CSMD2: variants seen among roughly 807,000 people sequenced by gnomAD.
The protein encoded by CSMD2 is CUB and sushi domain-containing protein 2.
Under a neutral mutation model 398.5 loss-of-function variants are expected in CSMD2, and 130 were observed. The observed-to-expected ratio is 0.33, with a 90% CI of 0.28 to 0.38. The LOEUF (loss-of-function observed/expected upper bound fraction) is 0.38, where lower values mean the gene tolerates loss of function less well. Ranked by LOEUF, CSMD2 falls within the 10% of genes least tolerant of loss-of-function variation. The pLI, the probability that CSMD2 is intolerant of heterozygous loss-of-function variation, is 1.00. For missense variants in CSMD2, 3,829 were observed against 4,764.9 expected, an observed-to-expected ratio of 0.80 and a Z score of 5.78; for synonymous variants, 1,828 against 1,908.5, an observed-to-expected ratio of 0.96 and a Z score of 1.10.
chr1:33,720,951 T>C (rs1646340183), intron 19 of CSMD2, among the ~76,000 whole-genome samples: 1 of 152,168 alleles, frequency 6.6e-6, no homozygotes, highest in Non-Finnish European at 1.5e-5. Context: ...TCTGCCTGCC[T>C]TGACACCCAA....
intron 14 of CSMD2, among the ~76,000 whole-genome samples, chr1:33,742,732 C>A (rs1647122209): frequency 6.6e-6 from 1 of 152,108 alleles, no homozygotes; most frequent in Non-Finnish European, 1.5e-5. Context: ...AGGAAATTCC[C>A]TAAGAGTTGT....
At chr1:33,563,146 T>A (rs1213384748) in intron 53 of CSMD2, among the ~76,000 whole-genome samples, 1 of 151,614 alleles carries the variant, frequency 6.6e-6, no homozygotes, top group Non-Finnish European at 1.5e-5. Context: ...AGGGCAGAGA[T>A]GATGTATGAC....
intron 2 of CSMD2, among the ~76,000 whole-genome samples, chr1:34,045,116 G>C (rs561411785): frequency 3.0e-4 from 46 of 151,552 alleles, no homozygotes; most frequent in Admixed American, 7.2e-4. Flanking sequence ...ATTCCCCTTT[G>C]CATTTCATCA....
chr1:33,620,115 A>G (rs1482919884), intron 37 of CSMD2, among the ~76,000 whole-genome samples: 1 of 152,242 alleles, frequency 6.6e-6, no homozygotes, highest in Non-Finnish European at 1.5e-5. Flanking sequence ...TGCTACACAG[A>G]TTGATTTTAT....
At chr1:33,849,017 G>A (rs1303098102) in intron 5 of CSMD2, among the ~76,000 whole-genome samples, 1 of 152,176 alleles carries the variant, frequency 6.6e-6, no homozygotes, top group African/African-American at 2.4e-5. Context: ...CAGGAAGTCA[G>A]TGAGACTTCC....
chr1:33,892,607 T>C (rs1455701679), intron 5 of CSMD2, among the ~76,000 whole-genome samples: 2 of 152,230 alleles, frequency 1.3e-5, no homozygotes, highest in African/African-American at 4.8e-5. Context: ...CCTCTTAGAA[T>C]AATGGCCTCC....
At chr1:34,159,609 G>C (rs1641144131) in intron 1 of CSMD2, among the ~76,000 whole-genome samples, 1 of 152,214 alleles carries the variant, frequency 6.6e-6, no homozygotes, top group South Asian at 2.1e-4. Context: ...TTAGTGCGTG[G>C]ATAAGTTATG....
At chr1:33,975,486 T>TACAC (rs57095754) in intron 3 of CSMD2, among the ~76,000 whole-genome samples, 3,153 of 146,434 alleles carry the variant, frequency 0.022, 111 homozygotes, top group African/African-American at 0.072. Context: ...CTCCCAAGTG[T>TACAC]ACACACACAC....
At chr1:33,777,647 C>T (rs139337384) in intron 12 of CSMD2, among the ~76,000 whole-genome samples, 37 of 152,224 alleles carry the variant, frequency 2.4e-4, no homozygotes, top group African/African-American at 6.7e-4. Flanking sequence ...AATATAATTC[C>T]GTTTTATGAG....
At chr1:34,092,907 C>T (rs1658803568) in intron 1 of CSMD2, among the ~76,000 whole-genome samples, 3 of 152,080 alleles carry the variant, frequency 2.0e-5, no homozygotes, top group Admixed American at 2.0e-4. Context: ...GAGCCCACCA[C>T]AGCTCAAGGA....
At chr1:33,524,846 A>T in intron 66 of CSMD2, 36 bp downstream of exon 66, 1 of 1,608,144 alleles carries the variant, frequency 6.2e-7, no homozygotes, top group East Asian at 2.2e-5. Context: ...GTGCCCATCC[A>T]TCCTCCCGGC....
intron 5 of CSMD2, among the ~76,000 whole-genome samples, chr1:33,881,444 G>A (rs948506022): frequency 1.3e-5 from 2 of 152,200 alleles, no homozygotes; most frequent in African/African-American, 4.8e-5. Context: ...GGGGAAGGTC[G>A]TTTTGGCTAG....
rs376305736 is a variant in CSMD2, at chr1:33,820,560, C to G, written c.1112-4G>C. On this transcript the variant is annotated splice_polypyrimidine_tract_variant and splice_region_variant and intron_variant, in intron 7 of 70. Coordinates refer to ENST00000373381, the MANE Select transcript of CSMD2 (RefSeq NM_001281956.2). Reference sequence around the variant, plus strand: ...TGGGACACACCAACCTGAGTTACTACAAGGCAAAAAAAAAAAAAAAAAAAA... The same window carrying G: ...TGGGACACACCAACCTGAGTTACTAGAAGGCAAAAAAAAAAAAAAAAAAAA... The G allele has an allele frequency of 4.5e-6, 2 of 442,688 alleles. No individual in the cohort carries two copies. Among genetic ancestry groups the G allele is most frequent in the African/African-American group, 3.3e-5 (1 of 29,966 alleles). The allele number at this position is 442,688 out of a possible 1,614,324, so 27.4% of individuals were successfully genotyped here.
intron 25 of CSMD2, among the ~76,000 whole-genome samples, chr1:33,666,032 C>G (rs1644305051): frequency 6.6e-6 from 1 of 152,110 alleles, no homozygotes; most frequent in Admixed American, 6.5e-5. Flanking sequence ...CCTGATTCTC[C>G]CTACTGATTT....
intron 21 of CSMD2, among the ~76,000 whole-genome samples, chr1:33,710,252 G>A (rs986190884): frequency 6.6e-6 from 1 of 152,196 alleles, no homozygotes; most frequent in East Asian, 1.9e-4. Context: ...TCCTGTATCT[G>A]AGCACCTCCC....
intron 12 of CSMD2, among the ~76,000 whole-genome samples, chr1:33,773,234 G>C (rs1303237412): frequency 6.6e-6 from 1 of 152,192 alleles, no homozygotes; most frequent in Non-Finnish European, 1.5e-5. Context: ...AGCAGCAAAG[G>C]CAAGTCAAGA....
intron 3 of CSMD2, among the ~76,000 whole-genome samples, chr1:34,001,531 G>T (rs958117643): frequency 2.0e-5 from 3 of 152,214 alleles, no homozygotes; most frequent in Non-Finnish European, 2.9e-5. Context: ...ACTCATTGAA[G>T]TTGTCATTTA....
At chr1:33,713,811 C>T (rs1490044188) in intron 21 of CSMD2, among the ~76,000 whole-genome samples, 1 of 152,148 alleles carries the variant, frequency 6.6e-6, no homozygotes, top group African/African-American at 2.4e-5. Flanking sequence ...GGCCAAACGT[C>T]AACTCATCAG....
In CSMD2 at chr1:33,823,856, T is replaced by C. The variant is rs572149432; in HGVS notation, c.1111+1841A>G. ...TTTGCATTCTTTCATTAGAACAGGG[T>C]TTCTCTTTATCTTCCTGAGGGAGTT... On this transcript the variant is annotated intron_variant, in intron 7 of 70. Transcript: ENST00000373381. Among the ~76,000 whole-genome samples the C allele has an allele frequency of 4.6e-5, 7 of 152,280 alleles. 1 individual carries two copies. Among genetic ancestry groups the C allele is most frequent in the Admixed American group, 4.6e-4 (7 of 15,302 alleles).
Sources: allele counts gnomAD v4.1 joint callset (sites outside exome capture counted in the v4.1 genomes callset), GRCh38; gene constraint gnomAD v4.1.1; transcripts MANE v1.5; gene names NCBI Gene and HGNC (gene_info 2026-07-23, HGNC 2026-07-21).